IPCEF1: variants seen among roughly 807,000 people sequenced by gnomAD.
IPCEF1 encodes interaction protein for cytohesin exchange factors 1, also known as interactor protein for cytohesin exchange factors 1.
A neutral mutation model predicts 50.9 loss-of-function variants in IPCEF1; 31 were observed. That is an observed-to-expected ratio of 0.61 (90% CI 0.46 to 0.82). IPCEF1 has a LOEUF of 0.82. Ranked by LOEUF, IPCEF1 falls within the 40% of genes least tolerant of loss-of-function variation. The pLI, the probability that IPCEF1 is intolerant of heterozygous loss-of-function variation, is 0.00. For synonymous variants in IPCEF1, 181 were observed against 192.0 expected, an observed-to-expected ratio of 0.94 and a Z score of 0.47; for missense variants, 458 against 514.0, an observed-to-expected ratio of 0.89 and a Z score of 1.05.
chr6:154,244,986 C>T (rs549148166), intron 5 of IPCEF1, among the ~76,000 whole-genome samples: 40 of 152,084 alleles, frequency 2.6e-4, no homozygotes, highest in Non-Finnish European at 4.9e-4. Context: ...ACAACTACCC[C>T]AAAACAAAGG....
At chr6:154,322,793 C>T (rs1214424462) in intron 1 of IPCEF1, among the ~76,000 whole-genome samples, 2 of 151,846 alleles carry the variant, frequency 1.3e-5, no homozygotes, top group Admixed American at 6.6e-5. Flanking sequence ...GCCGAGATTA[C>T]ACCACTGCAC....
chr6:154,326,881 A>C (rs1783534259), intron 1 of IPCEF1, among the ~76,000 whole-genome samples: 1 of 152,206 alleles, frequency 6.6e-6, no homozygotes, highest in Non-Finnish European at 1.5e-5. Flanking sequence ...AGACCAATGG[A>C]AGAGAAAAGA....
In IPCEF1 at chr6:154,175,126, A is replaced by G. The variant is rs572825552; in HGVS notation, c.911-7013T>C. ...ATAAAGATGTTCTTTGAAACCAATTAGAACAAAGACACAACGTACCAGAAG... is the reference window on the plus strand; with the variant it reads ...ATAAAGATGTTCTTTGAAACCAATTGGAACAAAGACACAACGTACCAGAAG... On this transcript the variant is annotated intron_variant, in intron 10 of 11. Coordinates refer to ENST00000367220, the MANE Select transcript of IPCEF1 (RefSeq NM_001130700.2). 2.6e-5 allele frequency among the ~76,000 whole-genome samples: 4 copies of G among 152,360 alleles called. No individual in the cohort carries two copies. In the South Asian group the frequency reaches 8.3e-4, roughly 32 times the overall value.
intron 10 of IPCEF1, among the ~76,000 whole-genome samples, chr6:154,191,073 C>T (rs754824075): frequency 4.0e-5 from 6 of 151,874 alleles, no homozygotes; most frequent in Non-Finnish European, 7.4e-5. Flanking sequence ...GAAAAAGTGA[C>T]CTATCAAGCT....
At chr6:154,241,430 C>A (rs1487619354) in intron 5 of IPCEF1, among the ~76,000 whole-genome samples, 1 of 151,954 alleles carries the variant, frequency 6.6e-6, no homozygotes, top group African/African-American at 2.4e-5. Context: ...CTAAAATACA[C>A]CAAAAAAGTA....
At chr6:154,243,705 C>T (rs1780786320) in intron 5 of IPCEF1, among the ~76,000 whole-genome samples, 2 of 152,186 alleles carry the variant, frequency 1.3e-5, no homozygotes, top group South Asian at 2.1e-4. Context: ...TGTATCCTGG[C>T]CCGAGAGGGA....
chr6:154,247,211 C>T (rs1229971691), intron 4 of IPCEF1: 1 of 515,138 alleles, frequency 1.9e-6, no homozygotes. Flanking sequence ...AGCTACTTCC[C>T]GACTCACTGC....
At chr6:154,322,787 A>G (rs1783417228) in intron 1 of IPCEF1, among the ~76,000 whole-genome samples, 1 of 152,018 alleles carries the variant, frequency 6.6e-6, no homozygotes, top group African/African-American at 2.4e-5. Context: ...CAGTGAGCCG[A>G]GATTACACCA....
At chr6:154,343,246 C>T (rs1783956424) in intron 1 of IPCEF1, among the ~76,000 whole-genome samples, 2 of 152,126 alleles carry the variant, frequency 1.3e-5, no homozygotes, top group South Asian at 4.1e-4. Flanking sequence ...TTTCGGTTAT[C>T]ATAATATTTT....
chr6:154,254,609 G>A (rs919541089), intron 3 of IPCEF1, among the ~76,000 whole-genome samples: 1 of 152,178 alleles, frequency 6.6e-6, no homozygotes, highest in Non-Finnish European at 1.5e-5. Context: ...CACATTCTAT[G>A]TAAACCTAAA....
rs1308307935 is a variant in IPCEF1 at position 154,167,464 on chromosome 6, A to T, written c.1104+456T>A. Among the ~76,000 whole-genome samples, 3 of 152,188 alleles carry T rather than the reference A, an allele frequency of 2.0e-5. No individual in the cohort carries two copies. In the East Asian group the frequency reaches 5.8e-4, roughly 29 times the overall value. On this transcript the variant is annotated intron_variant, in intron 11 of 11. Coordinates refer to ENST00000367220, the MANE Select transcript of IPCEF1 (RefSeq NM_001130700.2). Reference sequence around the variant, plus strand: ...TACATCTTTGCTGCAGCTGAAATCAAGACATTTCCTTCTGGATGCAGTCCT... The same window carrying T: ...TACATCTTTGCTGCAGCTGAAATCATGACATTTCCTTCTGGATGCAGTCCT...
chr6:154,330,926 C>CATG (rs1408608354), intron 1 of IPCEF1, among the ~76,000 whole-genome samples: 1 of 152,148 alleles, frequency 6.6e-6, no homozygotes, highest in African/African-American at 2.4e-5. Flanking sequence ...GCTAGGCAGA[C>CATG]ATGAGCAGGG....
At chr6:154,178,331 A>G (rs1279650664) in intron 10 of IPCEF1, among the ~76,000 whole-genome samples, 2 of 152,164 alleles carry the variant, frequency 1.3e-5, no homozygotes, top group African/African-American at 4.8e-5. Flanking sequence ...GATTCAATAG[A>G]TATTAAATCA....
intron 2 of IPCEF1, among the ~76,000 whole-genome samples, chr6:154,286,989 G>GT (rs1177690117): frequency 6.6e-6 from 1 of 152,216 alleles, no homozygotes; most frequent in Non-Finnish European, 1.5e-5. Flanking sequence ...TCTCATGACA[G>GT]TGAGTGAGTT....
chr6:154,335,266 A>G (rs1230968545), intron 1 of IPCEF1, among the ~76,000 whole-genome samples: 1 of 152,172 alleles, frequency 6.6e-6, no homozygotes, highest in African/African-American at 2.4e-5. Context: ...CTCCCTAGTA[A>G]TTCCCTCAAC....
chr6:154,339,095 A>T (rs966830525), intron 1 of IPCEF1, among the ~76,000 whole-genome samples: 11 of 152,126 alleles, frequency 7.2e-5, no homozygotes, highest in African/African-American at 2.7e-4. Context: ...TTTTCCTTTA[A>T]AAACCCACCT....
chr6:154,283,442 C>T (rs948293158), intron 2 of IPCEF1, among the ~76,000 whole-genome samples: 4 of 150,926 alleles, frequency 2.7e-5, no homozygotes, highest in Admixed American at 6.6e-5. Flanking sequence ...AAAAAAAATA[C>T]AAAAAATTAG....
At chr6:154,226,646 T>A (rs1779274944) in intron 5 of IPCEF1, among the ~76,000 whole-genome samples, 1 of 152,208 alleles carries the variant, frequency 6.6e-6, no homozygotes, top group South Asian at 2.1e-4. Context: ...TCCTTCTCTA[T>A]AATTCTGCTG....
chr6:154,213,388 G>T lies in IPCEF1; in HGVS notation c.452-533C>A, dbSNP rs77916560. The T allele has an allele frequency of 1.2e-3, 189 of 156,432 alleles. 2 individuals carry two copies. The East Asian group carries it at 0.025, about 20-fold the overall frequency. The allele number at this position is 156,432 out of a possible 1,614,324, so 9.7% of individuals were successfully genotyped here. Reference sequence around the variant, plus strand: ...ACCAGGACAAGGAGAAGTTTTGTGTGTAGTTTTGTACTAACTCACAATCTA... The same window carrying T: ...ACCAGGACAAGGAGAAGTTTTGTGTTTAGTTTTGTACTAACTCACAATCTA... On this transcript the variant is annotated intron_variant, in intron 8 of 11. Transcript: ENST00000367220.
Sources: allele counts gnomAD v4.1 joint callset (sites outside exome capture counted in the v4.1 genomes callset), GRCh38; gene constraint gnomAD v4.1.1; transcripts MANE v1.5; gene names NCBI Gene and HGNC (gene_info 2026-07-23, HGNC 2026-07-21).